ADGRL3: variants seen among roughly 807,000 people sequenced by gnomAD.
ADGRL3 encodes the protein calcium-independent alpha-latrotoxin receptor 3.
A neutral mutation model predicts 153.5 loss-of-function variants in ADGRL3; 62 were observed. The ratio of observed to expected loss-of-function variants is 0.40; its 90% CI spans 0.33 to 0.50. ADGRL3 has a LOEUF of 0.50. Ranked by LOEUF, ADGRL3 falls within the 20% of genes least tolerant of loss-of-function variation. The pLI, the probability that ADGRL3 is intolerant of heterozygous loss-of-function variation, is 0.47. For synonymous variants in ADGRL3, 710 were observed against 672.5 expected (o/e 1.06, Z -0.86); for missense variants, 1,641 against 1,859.4 (o/e 0.88, Z 2.16).
At position 61,946,956 on chromosome 4, in the gene ADGRL3, C is replaced by T. The variant is rs368699953; in HGVS notation, c.2462C>T (p.Pro821Leu). The T allele has an allele frequency of 3.7e-6, 6 of 1,613,614 alleles. No homozygotes were observed. The highest frequency in any genetic ancestry group is 1.6e-4 in the Middle Eastern group (1 of 6,080). The stretch of plus-strand genomic sequence containing the variant: ...TTTGTCCTGTATAACAACTTGGGTC[C>T]TTATTTATCCACGGAGAATGCCAGT... Reference protein sequence around the residue: ...VAFVLYNNLGPYLSTENASMK... With the variant: ...VAFVLYNNLGLYLSTENASMK... Residue 821 changes from proline (P) to leucine (L), a missense_variant, in exon 16 of 27, where the codon CCT becomes CTT. By Grantham distance (98) the Pro-to-Leu change is moderately conservative (BLOSUM62 -3). Coordinates refer to ENST00000683033, the MANE Select transcript of ADGRL3 (RefSeq NM_001387552.1).
intron 9 of ADGRL3, among the ~76,000 whole-genome samples, chr4:61,858,997 T>C (rs112280446): frequency 2.6e-5 from 4 of 152,208 alleles, no homozygotes; most frequent in African/African-American, 9.6e-5. Context: ...ATAAAAGAGA[T>C]TTGGGAGGAA....
intron 1 of ADGRL3, among the ~76,000 whole-genome samples, chr4:61,299,786 TG>T (rs1381832016): frequency 5.3e-5 from 8 of 152,332 alleles, no homozygotes; most frequent in Admixed American, 5.2e-4. Flanking sequence ...TCCCAGTTCT[TG>T]GCAAAAGCTT....
intron 1 of ADGRL3, among the ~76,000 whole-genome samples, chr4:61,362,302 C>G (rs1273733659): frequency 6.6e-6 from 1 of 150,914 alleles, no homozygotes; most frequent in East Asian, 1.9e-4. Flanking sequence ...GGCACCCTGC[C>G]TGATACGATC....
intron 25 of ADGRL3, among the ~76,000 whole-genome samples, chr4:62,067,105 A>G: frequency 6.6e-6 from 1 of 152,216 alleles, no homozygotes; most frequent in Non-Finnish European, 1.5e-5. Flanking sequence ...TTCTTTTGAA[A>G]CTTTAAAAGA....
intron 8 of ADGRL3, among the ~76,000 whole-genome samples, chr4:61,793,222 A>C (rs946144771): frequency 2.0e-4 from 30 of 152,222 alleles, no homozygotes; most frequent in African/African-American, 6.7e-4. Flanking sequence ...CAGGAGGTCA[A>C]GACCATCCTG....
intron 1 of ADGRL3, among the ~76,000 whole-genome samples, chr4:61,355,619 CTTTA>C (rs71211376): frequency 0.2 from 30,057 of 151,842 alleles, 3,225 homozygotes; most frequent in South Asian, 0.34. Context: ...TGACTGAGCC[CTTTA>C]TATCCAAGTC....
intron 6 of ADGRL3, among the ~76,000 whole-genome samples, chr4:61,687,670 T>C (rs1580284240): frequency 1.3e-5 from 2 of 152,138 alleles, no homozygotes; most frequent in East Asian, 3.9e-4. Context: ...TTATTTTTAC[T>C]ATATTACACT....
chr4:61,691,948 T>C (rs989283924), intron 6 of ADGRL3, among the ~76,000 whole-genome samples: 13 of 152,118 alleles, frequency 8.5e-5, no homozygotes, highest in African/African-American at 3.1e-4. Context: ...CATTTTCTGA[T>C]TGGAGTGGAA....
At chr4:61,438,397 A>G (rs184074092) in intron 2 of ADGRL3, among the ~76,000 whole-genome samples, 52 of 151,194 alleles carry the variant, frequency 3.4e-4, no homozygotes, top group East Asian at 1.9e-3. Context: ...ATTTTAGGGT[A>G]CATGTGCACA....
chr4:61,566,784 AG>A (rs2098818048), intron 4 of ADGRL3, among the ~76,000 whole-genome samples: 1 of 152,184 alleles, frequency 6.6e-6, no homozygotes, highest in African/African-American at 2.4e-5. Context: ...TACTATTTTT[AG>A]AATATGCTTA....
intron 8 of ADGRL3, among the ~76,000 whole-genome samples, chr4:61,755,754 T>A (rs1441494623): frequency 6.6e-6 from 1 of 152,188 alleles, no homozygotes; most frequent in African/African-American, 2.4e-5. Flanking sequence ...TGGTTTCAGG[T>A]CTAACATTTA....
chr4:61,659,897 C>CAAA (rs566191178), intron 5 of ADGRL3, among the ~76,000 whole-genome samples: 72 of 109,038 alleles, frequency 6.6e-4, no homozygotes, highest in East Asian at 8.9e-4. Context: ...GTGAAGATTA[C>CAAA]AAAAAAAAAA....
chr4:61,266,644 A>G (rs1039694252), intron 1 of ADGRL3, among the ~76,000 whole-genome samples: 11 of 151,836 alleles, frequency 7.2e-5, no homozygotes, highest in African/African-American at 2.4e-4. Flanking sequence ...TACAAATTTA[A>G]TGACATAATT....
In ADGRL3 at chr4:61,732,783, G is replaced by A. The variant is rs750359901; in HGVS notation, c.628G>A (p.Val210Ile). The change falls in exon 8 of 27, where the codon GTA (valine) becomes ATA (isoleucine). Residue 210 changes from valine to isoleucine, a missense_variant. Coordinates refer to ENST00000683033, the MANE Select transcript of ADGRL3 (RefSeq NM_001387552.1). ...VFLCPGLLKG[V>I]YQSEHLFESD... is the part of the protein sequence containing the mutation. ...TCTTTGTCCTGGACTACTAAAAGGA[G>A]TATACCAGAGTGAACATTTGTTTGA... 1 of 1,583,844 alleles carries A rather than the reference G, an allele frequency of 6.3e-7. No individual in the cohort carries two copies. Among genetic ancestry groups the A allele is most frequent in the South Asian group, 1.1e-5 (1 of 87,362 alleles).
chr4:61,551,862 C>A (rs1167585020), intron 4 of ADGRL3, among the ~76,000 whole-genome samples: 1 of 152,082 alleles, frequency 6.6e-6, no homozygotes, highest in Non-Finnish European at 1.5e-5. Flanking sequence ...GAATTTATGA[C>A]TGTAAATGGC....
chr4:61,436,798 C>T (rs746486907), intron 2 of ADGRL3, among the ~76,000 whole-genome samples: 3 of 152,044 alleles, frequency 2.0e-5, no homozygotes, highest in Non-Finnish European at 4.4e-5. Flanking sequence ...GGAACATTAA[C>T]ACCTCATGTG....
chr4:61,792,329 G>A (rs940597209), intron 8 of ADGRL3, among the ~76,000 whole-genome samples: 1 of 152,108 alleles, frequency 6.6e-6, no homozygotes, highest in Non-Finnish European at 1.5e-5. Flanking sequence ...AACATAGCAA[G>A]AGTCACCTTT....
chr4:61,483,774 A>G (rs994266197), intron 2 of ADGRL3, among the ~76,000 whole-genome samples: 1 of 151,740 alleles, frequency 6.6e-6, no homozygotes, highest in Admixed American at 6.6e-5. Flanking sequence ...TTTGAGCTCC[A>G]ATATTTAGTT....
chr4:61,234,613 A>C (rs1752117207), intron 1 of ADGRL3, among the ~76,000 whole-genome samples: 1 of 152,218 alleles, frequency 6.6e-6, no homozygotes, highest in Non-Finnish European at 1.5e-5. Context: ...GAAGACGGAA[A>C]TCAGAAGATA....
Sources: gnomAD v4.1 joint callset for allele counts (sites outside exome capture counted in the v4.1 genomes callset) on GRCh38, gnomAD v4.1.1 for gene constraint, MANE v1.5 for transcripts, NCBI Gene and HGNC (gene_info 2026-07-23, HGNC 2026-07-21) for gene names.